CNST: variants seen among roughly 807,000 people sequenced by gnomAD.
CNST encodes the protein consortin, connexin sorting protein.
A neutral mutation model predicts 72.4 loss-of-function variants in CNST; 39 were observed. The ratio of observed to expected loss-of-function variants is 0.54; its 90% CI spans 0.42 to 0.70. The LOEUF (loss-of-function observed/expected upper bound fraction) is 0.70, where lower values mean the gene tolerates loss of function less well. Ranked by LOEUF, CNST falls within the 30% of genes least tolerant of loss-of-function variation. CNST has a pLI of 0.00. For synonymous variants in CNST, 332 were observed against 320.1 expected (o/e 1.04, Z -0.40); for missense variants, 871 against 868.5 (o/e 1.00, Z -0.04).
rs558669459 is a variant in CNST at position 246,642,739 on chromosome 1, G to C, written c.937+702G>C. On this transcript the variant is annotated intron_variant, in intron 8 of 10. Coordinates refer to ENST00000366513, the MANE Select transcript of CNST (RefSeq NM_152609.3). ...ATTAATATATATTTCTAGGCTTTAT[G>C]TTCCTGGGCCTGAGAGCCCTAATAT... is the stretch of plus-strand genomic sequence containing the variant. 1.1e-3 allele frequency among the ~76,000 whole-genome samples: 152 copies of C among 143,232 alleles called. 1 individual carries two copies. Among genetic ancestry groups the C allele is most frequent in the Non-Finnish European group, 1.8e-3 (117 of 66,222 alleles). The allele number at this position is 143,232 out of a possible 152,430, so 94.0% of individuals were successfully genotyped here. A position where few individuals can be genotyped will look rare whatever the true frequency, so the allele number is the denominator to read the frequency against.
chr1:246,641,355 T>C (rs1382489722), intron 6 of CNST, among the ~76,000 whole-genome samples: 2 of 152,252 alleles, frequency 1.3e-5, no homozygotes, highest in East Asian at 3.8e-4. Flanking sequence ...TTGTTATCTG[T>C]TTCCATGGAG....
At chr1:246,648,853 T>G (rs551421653) in intron 9 of CNST, among the ~76,000 whole-genome samples, 1 of 152,292 alleles carries the variant, frequency 6.6e-6, no homozygotes, top group African/African-American at 2.4e-5. Context: ...CTCATTGTGT[T>G]CTAAATCAGC....
intron 10 of CNST, among the ~76,000 whole-genome samples, chr1:246,665,060 T>C (rs774546518): frequency 1.3e-5 from 2 of 152,132 alleles, no homozygotes; most frequent in Non-Finnish European, 2.9e-5. Flanking sequence ...AGCCAGGCTG[T>C]ACTGTAGACT....
intron 3 of CNST, among the ~76,000 whole-genome samples, chr1:246,622,820 A>T (rs1454133956): frequency 6.6e-6 from 1 of 151,720 alleles, no homozygotes; most frequent in Non-Finnish European, 1.5e-5. Flanking sequence ...ATTGTATTGT[A>T]TTGTATTTAT....
chr1:246,634,859 G>A (rs956924202), intron 6 of CNST, among the ~76,000 whole-genome samples: 2 of 152,150 alleles, frequency 1.3e-5, no homozygotes, highest in Non-Finnish European at 2.9e-5. Flanking sequence ...TGAGGACGGG[G>A]CAGGGGTTTT....
intron 1 of CNST, among the ~76,000 whole-genome samples, chr1:246,573,344 T>C (rs572216223): frequency 1.3e-5 from 2 of 152,344 alleles, no homozygotes; most frequent in Admixed American, 6.5e-5. Flanking sequence ...GATTGTCTTA[T>C]TACCATTACA....
At chr1:246,618,147 G>C (rs990047168) in intron 2 of CNST, among the ~76,000 whole-genome samples, 3 of 152,182 alleles carry the variant, frequency 2.0e-5, no homozygotes, top group Admixed American at 2.0e-4. Flanking sequence ...AGTTGCTCAA[G>C]CTTCTTCACA....
chr1:246,610,690 A>G (rs771199981), intron 2 of CNST, among the ~76,000 whole-genome samples: 2 of 151,542 alleles, frequency 1.3e-5, no homozygotes, highest in Non-Finnish European at 2.9e-5. Flanking sequence ...GTGCTCAGGT[A>G]CTCCTTTAAC....
At chr1:246,585,429 T>G (rs895542147) in intron 1 of CNST, among the ~76,000 whole-genome samples, 1 of 151,830 alleles carries the variant, frequency 6.6e-6, no homozygotes, top group Non-Finnish European at 1.5e-5. Context: ...GGCAAATCAC[T>G]TGAGGTCAGG....
intron 3 of CNST, among the ~76,000 whole-genome samples, chr1:246,630,729 C>T (rs1664724504): frequency 6.6e-6 from 1 of 151,918 alleles, no homozygotes; most frequent in Non-Finnish European, 1.5e-5. Context: ...CTGTGGAAAC[C>T]ATTTTTTGTT....
intron 1 of CNST, among the ~76,000 whole-genome samples, chr1:246,578,567 A>T (rs1572116910): frequency 6.6e-6 from 1 of 151,978 alleles, no homozygotes; most frequent in Non-Finnish European, 1.5e-5. Flanking sequence ...GCTACTCGGG[A>T]GGCTGAGGCA....
At chr1:246,634,669 T>C (rs1665033548) in intron 6 of CNST, 82 bp downstream of exon 6, 1 of 764,100 alleles carries the variant, frequency 1.3e-6, no homozygotes, top group South Asian at 1.8e-5. Context: ...CATTTCTTTG[T>C]TTTATGTTTT....
chr1:246,631,978 CA>C (rs773117276), intron 4 of CNST, 54 bp downstream of exon 4: 109 of 1,054,630 alleles, frequency 1.0e-4, no homozygotes, highest in Middle Eastern at 2.1e-4. Context: ...CAGAACCATT[CA>C]TTTTTTTTAA....
rs550697329 is a variant in CNST, at chr1:246,646,279, C to CAAAAAAAAAAAAAAAAAA, written c.938-845_938-844insAAAAAAAAAAAAAAAAAA. ...TGGGTGACAGAGCGAAACTCCGTCTCAAAAAAAAAAAAAAAGTTGCAAGTA... is the reference window on the plus strand; with the variant it reads ...TGGGTGACAGAGCGAAACTCCGTCTCAAAAAAAAAAAAAAAAAAAAAAAAAAAAAAAAAGTTGCAAGTA... On this transcript the variant is annotated intron_variant, in intron 8 of 10. Transcript: ENST00000366513. 7.0e-5 allele frequency among the ~76,000 whole-genome samples: 7 copies of CAAAAAAAAAAAAAAAAAA among 99,422 alleles called. 2 individuals are homozygous for CAAAAAAAAAAAAAAAAAA. Among genetic ancestry groups the CAAAAAAAAAAAAAAAAAA allele is most frequent in the African/African-American group, 2.2e-4 (5 of 22,228 alleles). 65.2% of individuals were successfully genotyped at this position (99,422 alleles called of 152,430 possible). A position where few individuals can be genotyped will look rare whatever the true frequency, so the allele number is the denominator to read the frequency against.
At chr1:246,622,772 A>C (rs1664175665) in intron 3 of CNST, among the ~76,000 whole-genome samples, 1 of 152,008 alleles carries the variant, frequency 6.6e-6, no homozygotes, top group Admixed American at 6.6e-5. Flanking sequence ...GAGCTAATTC[A>C]GAAGAAATTA....
chr1:246,575,091 G>A (rs1660315593), intron 1 of CNST, among the ~76,000 whole-genome samples: 1 of 151,908 alleles, frequency 6.6e-6, no homozygotes, highest in African/African-American at 2.4e-5. Context: ...CACCTCCCGG[G>A]TTCAAGTGAT....
At chr1:246,657,750 C>G (rs1424491703) in intron 9 of CNST, among the ~76,000 whole-genome samples, 1 of 152,174 alleles carries the variant, frequency 6.6e-6, no homozygotes, top group Non-Finnish European at 1.5e-5. Flanking sequence ...AGCCGCTGCA[C>G]TAGGACCAGC....
chr1:246,623,471 G>T (rs1019118378), intron 3 of CNST, among the ~76,000 whole-genome samples: 1 of 152,152 alleles, frequency 6.6e-6, no homozygotes, highest in Non-Finnish European at 1.5e-5. Flanking sequence ...AGTAAAGTAG[G>T]CAGGGCACAG....
Position 246,662,094 on chromosome 1 carries a change from C to T in CNST, c.1972+1760C>T, listed in dbSNP as rs149812031. The stretch of plus-strand genomic sequence containing the variant: ...ATCATCTTTAAAATAAGGAGAATAA[C>T]ATCTGCCTCTCTGTCCCTATTGAAA... On this transcript the variant is annotated intron_variant, in intron 10 of 10. Coordinates refer to ENST00000366513, the MANE Select transcript of CNST (RefSeq NM_152609.3). Among the ~76,000 whole-genome samples the T allele has an allele frequency of 3.3e-3, 510 of 152,326 alleles. 4 individuals carry two copies. The highest frequency in any genetic ancestry group is 0.012 in the African/African-American group (488 of 41,576).
Sources: allele counts gnomAD v4.1 joint callset (sites outside exome capture counted in the v4.1 genomes callset), GRCh38; gene constraint gnomAD v4.1.1; transcripts MANE v1.5; gene names NCBI Gene and HGNC (gene_info 2026-07-23, HGNC 2026-07-21).